The following PARVA variants were observed in gnomAD, a reference collection of about 807,000 sequenced individuals.
PARVA encodes the protein parvin alpha.
Under a neutral mutation model 52.6 loss-of-function variants are expected in PARVA, and 25 were observed. The ratio of observed to expected loss-of-function variants is 0.48; its 90% CI spans 0.35 to 0.66. PARVA has a LOEUF of 0.66. Ranked by LOEUF, PARVA falls within the 30% of genes least tolerant of loss-of-function variation. PARVA has a pLI of 0.01. For missense variants in PARVA, 373 were observed against 450.9 expected, an observed-to-expected ratio of 0.83 and a Z score of 1.56; for synonymous variants, 185 against 179.1, an observed-to-expected ratio of 1.03 and a Z score of -0.26.
At chr11:12,383,686 C>T (rs1352050778) in intron 1 of PARVA, among the ~76,000 whole-genome samples, 2 of 152,274 alleles carry the variant, frequency 1.3e-5, no homozygotes, top group East Asian at 1.9e-4. Flanking sequence ...TGTAGAGACA[C>T]AGTCTTGCTA....
upstream of PARVA, chr11:12,376,829 G>T (rs1466614357): frequency 1.6e-5 from 9 of 564,632 alleles, no homozygotes; most frequent in African/African-American, 2.0e-5. Flanking sequence ...AAATGAGTCT[G>T]GTTGTCACTC....
At chr11:12,427,888 A>G (rs933425607) in intron 1 of PARVA, among the ~76,000 whole-genome samples, 13 of 152,228 alleles carry the variant, frequency 8.5e-5, no homozygotes, top group Non-Finnish European at 1.3e-4. Context: ...AGGTAACACA[A>G]CTGCTTCTGG....
rs555454617 is a variant in PARVA at position 12,387,967 on chromosome 11, T to A, written c.136+10184T>A. 2.6e-5 allele frequency among the ~76,000 whole-genome samples: 4 copies of A among 152,292 alleles called. No homozygotes were observed. The South Asian group carries it at 8.3e-4, about 32-fold the overall frequency. On this transcript the variant is annotated intron_variant, in intron 1 of 12. Transcript: ENST00000334956. ...TCTATAGGAGAGATTCAGAGTTCCC[T>A]TAATTCCCCAAAGTCTGTCTCATTC...
intron 1 of PARVA, among the ~76,000 whole-genome samples, chr11:12,457,524 G>A (rs1358859952): frequency 1.3e-5 from 2 of 152,214 alleles, no homozygotes; most frequent in Non-Finnish European, 2.9e-5. Context: ...CTCCATTGCT[G>A]CCTCAGTTCC....
rs1941818517 is a variant in PARVA, at chr11:12,535,108, T to G, written c.*7183T>G. Reference sequence around the variant, plus strand: ...GGGGGTGCATTCTCTGTGCCTCTCCTGAGTCTACTTTCTGCATCATTGGTT... The same window carrying G: ...GGGGGTGCATTCTCTGTGCCTCTCCGGAGTCTACTTTCTGCATCATTGGTT... On this transcript the variant is annotated 3_prime_UTR_variant, in exon 13 of 13. Transcript: ENST00000334956. Among the ~76,000 whole-genome samples the G allele has an allele frequency of 6.6e-6, 1 of 152,230 alleles. No homozygotes were observed.
intron 6 of PARVA, among the ~76,000 whole-genome samples, chr11:12,504,945 A>G (rs1207003329): frequency 3.3e-5 from 5 of 152,140 alleles, no homozygotes; most frequent in Admixed American, 2.0e-4. Context: ...AGAGACCCCA[A>G]CTGGCCATGT....
intron 1 of PARVA, among the ~76,000 whole-genome samples, chr11:12,462,103 G>A (rs1316691141): frequency 6.6e-6 from 1 of 152,136 alleles, no homozygotes; most frequent in Non-Finnish European, 1.5e-5. Flanking sequence ...TCTCACATGG[G>A]AAAAAAGTGA....
chr11:12,381,232 A>G (rs1939481618), intron 1 of PARVA, among the ~76,000 whole-genome samples: 1 of 152,056 alleles, frequency 6.6e-6, no homozygotes, highest in South Asian at 2.1e-4. Context: ...GGCCCCATTA[A>G]CCATCACTTC....
intron 4 of PARVA, among the ~76,000 whole-genome samples, chr11:12,491,660 T>C (rs549465466): frequency 3.3e-5 from 5 of 152,304 alleles, no homozygotes; most frequent in African/African-American, 1.2e-4. Flanking sequence ...TAGGAAAATA[T>C]AGAAATTTTA....
intron 1 of PARVA, among the ~76,000 whole-genome samples, chr11:12,397,910 G>A (rs909780612): frequency 4.6e-5 from 7 of 151,766 alleles, no homozygotes; most frequent in African/African-American, 1.5e-4. Flanking sequence ...CTGACGAGAG[G>A]AGGAAGTCAT....
At chr11:12,454,232 C>T (rs1383873692) in intron 1 of PARVA, among the ~76,000 whole-genome samples, 1 of 152,144 alleles carries the variant, frequency 6.6e-6, no homozygotes, top group African/African-American at 2.4e-5. Context: ...GAAAAGAGCC[C>T]TTTCACTGTT....
chr11:12,487,225 G>T (rs10831835), intron 4 of PARVA, among the ~76,000 whole-genome samples: 1 of 151,990 alleles, frequency 6.6e-6, no homozygotes, highest in Non-Finnish European at 1.5e-5. Flanking sequence ...ATCTTGAAGA[G>T]TTTGATCTTG....
intron 1 of PARVA, among the ~76,000 whole-genome samples, chr11:12,409,723 T>C (rs2134973356): frequency 6.6e-6 from 1 of 152,352 alleles, no homozygotes; most frequent in Middle Eastern, 3.4e-3. Flanking sequence ...CCTGCCAGCA[T>C]GTTGATTTTA....
Position 12,377,840 on chromosome 11 carries a change from C to T in PARVA, c.136+57C>T, listed in dbSNP as rs576504029. On this transcript the variant is annotated intron_variant, in intron 1 of 12. Coordinates refer to ENST00000334956, the MANE Select transcript of PARVA (RefSeq NM_018222.5). ...TAGGAGCCGGGGGTGCCGTAGGGGC[C>T]GAGGGGCCGGGGCACTGGGACCGGG... The T allele has an allele frequency of 3.9e-4, 530 of 1,368,646 alleles. 8 individuals carry two copies. The South Asian group carries it at 7.6e-3, about 20-fold the overall frequency. The allele number at this position is 1,368,646 out of a possible 1,614,324, so 84.8% of individuals were successfully genotyped here. A position where few individuals can be genotyped will look rare whatever the true frequency, so the allele number is the denominator to read the frequency against.
chr11:12,486,810 C>T (rs1182287465), intron 4 of PARVA, among the ~76,000 whole-genome samples: 2 of 152,182 alleles, frequency 1.3e-5, no homozygotes, highest in African/African-American at 4.8e-5. Context: ...CGTACCACTG[C>T]ACTCCAGCCT....
At chr11:12,390,713 C>G (rs1341840682) in intron 1 of PARVA, among the ~76,000 whole-genome samples, 1 of 152,188 alleles carries the variant, frequency 6.6e-6, no homozygotes, top group African/African-American at 2.4e-5. Context: ...AAACTTTCCT[C>G]TCTGTTGGGA....
At position 12,465,589 on chromosome 11, in the gene PARVA, T is replaced by C. The variant is rs537377302; in HGVS notation, c.137-8156T>C. The stretch of plus-strand genomic sequence containing the variant: ...TTTTACTCTCTCTAGTTTCGCCTTT[T>C]CCAGAATGTCGTATAATTAGAATTG... On this transcript the variant is annotated intron_variant, in intron 1 of 12. Coordinates refer to ENST00000334956, the MANE Select transcript of PARVA (RefSeq NM_018222.5). 4.6e-5 allele frequency among the ~76,000 whole-genome samples: 7 copies of C among 152,358 alleles called. No individual in the cohort carries two copies. The East Asian group carries it at 1.3e-3, about 29-fold the overall frequency.
At chr11:12,519,863 C>G (rs1408147725) in intron 12 of PARVA, among the ~76,000 whole-genome samples, 1 of 152,194 alleles carries the variant, frequency 6.6e-6, no homozygotes, top group Non-Finnish European at 1.5e-5. Flanking sequence ...CCCTGGGGCT[C>G]TCTCTTTGGC....
intron 1 of PARVA, among the ~76,000 whole-genome samples, chr11:12,467,186 GGA>G (rs1940864455): frequency 1.3e-5 from 2 of 152,098 alleles, no homozygotes; most frequent in African/African-American, 4.8e-5. Context: ...CTAGTATATA[GGA>G]AGCAATTGAT....
Sources: allele counts gnomAD v4.1 joint callset (sites outside exome capture counted in the v4.1 genomes callset), GRCh38; gene constraint gnomAD v4.1.1; transcripts MANE v1.5; gene names NCBI Gene and HGNC (gene_info 2026-07-23, HGNC 2026-07-21).